The following VPS13B variants were observed in gnomAD, a reference collection of about 807,000 sequenced individuals.
VPS13B encodes the protein vacuolar protein sorting 13 homolog B, also known as intermembrane lipid transfer protein VPS13B.
Under a neutral mutation model 426.4 loss-of-function variants are expected in VPS13B, and 285 were observed. The ratio of observed to expected loss-of-function variants is 0.67; its 90% CI spans 0.61 to 0.74. The LOEUF (loss-of-function observed/expected upper bound fraction) is 0.74. VPS13B is among the 30% of genes least tolerant of loss of function. The probability of loss-of-function intolerance (pLI) is 0.00; values close to 1 mark genes in which losing one functional copy is unlikely to be tolerated. For missense variants in VPS13B, 4,537 were observed against 4,782.6 expected (o/e 0.95, Z 1.51); for synonymous variants, 1,676 against 1,676.4 (o/e 1.00, Z 0.01).
intron 19 of VPS13B, among the ~76,000 whole-genome samples, chr8:99,376,084 A>C (rs1217025131): frequency 6.6e-6 from 1 of 152,224 alleles, no homozygotes; most frequent in East Asian, 1.9e-4. Context: ...TAATGGGTGA[A>C]GGCTGAGAAG....
chr8:99,484,968 A>T (rs1820229260), intron 25 of VPS13B, among the ~76,000 whole-genome samples: 1 of 152,148 alleles, frequency 6.6e-6, no homozygotes, highest in Non-Finnish European at 1.5e-5. Context: ...AGTACACGCA[A>T]ATTTCTATAT....
intron 22 of VPS13B, among the ~76,000 whole-genome samples, chr8:99,440,543 CAT>C (rs1450918145): frequency 6.6e-6 from 1 of 151,894 alleles, no homozygotes; most frequent in Non-Finnish European, 1.5e-5. Flanking sequence ...ATAGATAAAA[CAT>C]AATAATTTTG....
At chr8:99,476,903 C>T (rs1176100562) in intron 24 of VPS13B, among the ~76,000 whole-genome samples, 11 of 152,066 alleles carry the variant, frequency 7.2e-5, no homozygotes, top group South Asian at 4.1e-4. Context: ...TTTGCTCATT[C>T]GTGAATTGAC....
At chr8:99,260,380 C>T (rs902514253) in intron 17 of VPS13B, among the ~76,000 whole-genome samples, 13 of 151,966 alleles carry the variant, frequency 8.6e-5, no homozygotes, top group Admixed American at 7.2e-4. Context: ...AAAAACAAAC[C>T]TAAACCTCTA....
Position 99,490,436 on chromosome 8 carries a change from C to T in VPS13B, c.3870+8634C>T, listed in dbSNP as rs916647701. Among the ~76,000 whole-genome samples the T allele has an allele frequency of 7.9e-5, 12 of 152,298 alleles. No homozygotes were observed. The East Asian group carries it at 2.3e-3, about 29-fold the overall frequency. ...CTTATAAAATGAGTTAGGGAGGATT[C>T]CCTCTTCTTCTATTGATTGGAATAG... On this transcript the variant is annotated intron_variant, in intron 25 of 61. Coordinates refer to ENST00000357162, the MANE Select transcript of VPS13B (RefSeq NM_152564.5).
At chr8:99,308,645 T>C (rs1219037817) in intron 19 of VPS13B, among the ~76,000 whole-genome samples, 2 of 152,176 alleles carry the variant, frequency 1.3e-5, no homozygotes, top group East Asian at 3.8e-4. Flanking sequence ...AACATACGTG[T>C]GCATGTGTCT....
intron 25 of VPS13B, among the ~76,000 whole-genome samples, chr8:99,487,587 A>G (rs1820382566): frequency 6.6e-6 from 1 of 152,130 alleles, no homozygotes; most frequent in South Asian, 2.1e-4. Context: ...CTCTATCCCC[A>G]TCGAACAACT....
rs1819683414 is a variant in VPS13B, at chr8:99,476,286, T to C, written c.3667-5313T>C. ...TCTTTGATATCTTCAAGTGAGAGAT[T>C]AACCTAAATTTTAATGACAAAACAT... On this transcript the variant is annotated intron_variant, in intron 24 of 61. Transcript: ENST00000357162. Among the ~76,000 whole-genome samples the C allele has an allele frequency of 2.6e-5, 4 of 152,172 alleles. No homozygotes were observed. In the South Asian group the frequency reaches 6.2e-4, roughly 24 times the overall value.
intron 2 of VPS13B, among the ~76,000 whole-genome samples, chr8:99,016,506 C>G (rs1388557415): frequency 1.1e-5 from 1 of 93,202 alleles, no homozygotes; most frequent in African/African-American, 3.8e-5. Context: ...ATTTAGCTAT[C>G]TTTTTTTTTT....
intron 33 of VPS13B, among the ~76,000 whole-genome samples, chr8:99,586,113 C>T (rs545730374): frequency 3.3e-5 from 5 of 152,084 alleles, no homozygotes; most frequent in Non-Finnish European, 7.4e-5. Context: ...TTGACAGAAA[C>T]GGGAGAGGGT....
At chr8:99,314,605 T>G (rs573802421) in intron 19 of VPS13B, among the ~76,000 whole-genome samples, 1 of 152,276 alleles carries the variant, frequency 6.6e-6, no homozygotes, top group South Asian at 2.1e-4. Flanking sequence ...TGTGCATCAC[T>G]GTGCCTGGCT....
At chr8:99,602,559 A>C (rs1827359278) in intron 33 of VPS13B, among the ~76,000 whole-genome samples, 1 of 152,190 alleles carries the variant, frequency 6.6e-6, no homozygotes, top group South Asian at 2.1e-4. Context: ...AAAGAAATAA[A>C]GGGTGTTCAA....
intron 51 of VPS13B, among the ~76,000 whole-genome samples, chr8:99,826,687 TATG>T (rs1814705141): frequency 6.6e-6 from 1 of 152,244 alleles, no homozygotes; most frequent in African/African-American, 2.4e-5. Flanking sequence ...GCCCATTCAG[TATG>T]ATATTGGCTG....
chr8:99,667,218 T>G (rs1830524037), intron 35 of VPS13B, among the ~76,000 whole-genome samples: 1 of 152,150 alleles, frequency 6.6e-6, no homozygotes, highest in Non-Finnish European at 1.5e-5. Context: ...CCAGATGAAG[T>G]AGATGCTGTT....
intron 17 of VPS13B, among the ~76,000 whole-genome samples, chr8:99,215,689 A>C (rs1258645310): frequency 6.6e-6 from 1 of 152,164 alleles, no homozygotes; most frequent in East Asian, 1.9e-4. Context: ...CATTGTTTGA[A>C]GCCCATTCAG....
chr8:99,548,220 A>G (rs997398221), intron 30 of VPS13B, among the ~76,000 whole-genome samples: 2 of 152,076 alleles, frequency 1.3e-5, no homozygotes, highest in Non-Finnish European at 2.9e-5. Context: ...TTGGTGTACT[A>G]AATCAAAGTT....
intron 33 of VPS13B, among the ~76,000 whole-genome samples, chr8:99,584,587 T>G (rs1343992163): frequency 6.6e-6 from 1 of 152,142 alleles, no homozygotes; most frequent in East Asian, 1.9e-4. Flanking sequence ...ATAATCTGGT[T>G]GGGAAGTAAA....
chr8:99,772,768 AC>A (rs1179638383), intron 40 of VPS13B, among the ~76,000 whole-genome samples: 2 of 152,190 alleles, frequency 1.3e-5, no homozygotes, highest in Non-Finnish European at 2.9e-5. Flanking sequence ...TTGGAAAACA[AC>A]CATTGTAAGG....
intron 23 of VPS13B, among the ~76,000 whole-genome samples, chr8:99,464,030 T>C (rs1818974194): frequency 6.6e-6 from 1 of 152,138 alleles, no homozygotes; most frequent in African/African-American, 2.4e-5. Context: ...GCTAACTAGT[T>C]TGGAGTAATA....
Sources: gnomAD v4.1 joint callset for allele counts (sites outside exome capture counted in the v4.1 genomes callset) on GRCh38, gnomAD v4.1.1 for gene constraint, MANE v1.5 for transcripts, NCBI Gene and HGNC (gene_info 2026-07-23, HGNC 2026-07-21) for gene names.